The following TAMM41 variants were observed in gnomAD, a reference collection of about 807,000 sequenced individuals.
TAMM41 encodes phosphatidate cytidylyltransferase, mitochondrial.
A neutral mutation model predicts 44.1 loss-of-function variants in TAMM41; 36 were observed. The ratio of observed to expected loss-of-function variants is 0.82; its 90% CI spans 0.63 to 1.08. The LOEUF (loss-of-function observed/expected upper bound fraction) is 1.08, where lower values mean the gene tolerates loss of function less well. Among genes scored for constraint, TAMM41 ranks in the 50% least tolerant of loss-of-function variants. TAMM41 has a pLI of 0.00. For synonymous variants in TAMM41, 164 were observed against 153.1 expected (o/e 1.07, Z -0.53); for missense variants, 417 against 404.3 (o/e 1.03, Z -0.27).
chr3:11,729,539 A>ATTTTT, the TAMM41 span, among the ~76,000 whole-genome samples: 22 of 32,292 alleles, frequency 6.8e-4, no homozygotes, highest in East Asian at 3.2e-3. Context: ...TCTTTCTTTC[A>ATTTTT]TTTTTTTTTT....
chr3:11,743,793 G>A, the TAMM41 span, among the ~76,000 whole-genome samples: 1 of 152,098 alleles, frequency 6.6e-6, no homozygotes, highest in Non-Finnish European at 1.5e-5. Flanking sequence ...GTTTCCCGGA[G>A]GTACCTTAGG....
the TAMM41 span, among the ~76,000 whole-genome samples, chr3:11,748,995 C>A: frequency 3.3e-5 from 5 of 149,848 alleles, no homozygotes; most frequent in Non-Finnish European, 7.4e-5. Context: ...TCACTGCAAC[C>A]TCTGCCTCCC....
chr3:11,737,435 C>T, the TAMM41 span, among the ~76,000 whole-genome samples: 1 of 151,928 alleles, frequency 6.6e-6, no homozygotes, highest in African/African-American at 2.4e-5. Context: ...ATTCTCCTTC[C>T]TCAGCCTCCA....
the TAMM41 span, among the ~76,000 whole-genome samples, chr3:11,758,226 A>G: frequency 6.6e-6 from 1 of 152,218 alleles, no homozygotes. Flanking sequence ...CTAGGACACA[A>G]TGCTGGAGGC....
the TAMM41 span, among the ~76,000 whole-genome samples, chr3:11,782,036 C>G: frequency 1.3e-5 from 2 of 148,314 alleles, no homozygotes; most frequent in African/African-American, 2.4e-5. Context: ...CACCAGGTGT[C>G]TTTAGCTGCA....
At chr3:11,836,509 G>A (rs2079183611) in intron 3 of TAMM41, among the ~76,000 whole-genome samples, 1 of 152,116 alleles carries the variant, frequency 6.6e-6, no homozygotes. Flanking sequence ...TGTCACCCAG[G>A]CTGGAGTGCA....
At chr3:11,782,439 T>C in the TAMM41 span, among the ~76,000 whole-genome samples, 7 of 150,982 alleles carry the variant, frequency 4.6e-5, no homozygotes, top group Non-Finnish European at 7.4e-5. Flanking sequence ...CTCAGTTACT[T>C]GGGAGGCTAA....
the TAMM41 span, among the ~76,000 whole-genome samples, chr3:11,723,820 A>G: frequency 6.6e-6 from 1 of 152,244 alleles, no homozygotes; most frequent in African/African-American, 2.4e-5. Flanking sequence ...TAGACCACTG[A>G]TGAGAATATA....
intron 7 of TAMM41, chr3:11,807,449 CCACT>C (rs144166965): frequency 0.054 from 83,509 of 1,534,366 alleles, 10,260 homozygotes; most frequent in East Asian, 0.53. Flanking sequence ...CAAAAATAAC[CCACT>C]AAGACAGATG....
At chr3:11,745,675 G>A in the TAMM41 span, among the ~76,000 whole-genome samples, 1 of 152,194 alleles carries the variant, frequency 6.6e-6, no homozygotes, top group African/African-American at 2.4e-5. Context: ...GGAGCTGTGG[G>A]AAGAGGAAAT....
the TAMM41 span, among the ~76,000 whole-genome samples, chr3:11,761,683 A>G: frequency 6.6e-6 from 1 of 152,126 alleles, no homozygotes; most frequent in African/African-American, 2.4e-5. Context: ...GCGGTGGCTC[A>G]CACCTGTAAT....
At chr3:11,828,903 C>A (rs1465265002) in intron 4 of TAMM41, among the ~76,000 whole-genome samples, 1 of 152,068 alleles carries the variant, frequency 6.6e-6, no homozygotes, top group Non-Finnish European at 1.5e-5. Flanking sequence ...GACTCATACT[C>A]AAAAATCGGG....
At chr3:11,754,442 T>C in the TAMM41 span, among the ~76,000 whole-genome samples, 395 of 152,252 alleles carry the variant, frequency 2.6e-3, 1 homozygote, top group African/African-American at 9.1e-3. Flanking sequence ...GGTGCAATCA[T>C]GGCTTACTGC....
intron 4 of TAMM41, among the ~76,000 whole-genome samples, chr3:11,819,938 G>A (rs1191687558): frequency 6.6e-6 from 1 of 152,066 alleles, no homozygotes; most frequent in East Asian, 1.9e-4. Context: ...TTTTACAGAT[G>A]AGGAGATGGA....
chr3:11,843,008 G>C (rs539180613), intron 2 of TAMM41, among the ~76,000 whole-genome samples: 3 of 152,286 alleles, frequency 2.0e-5, no homozygotes, highest in African/African-American at 7.2e-5. Context: ...CCTGCTGTCA[G>C]ATGAACCACC....
intron 5 of TAMM41, 69 bp from the exon 6 acceptor site, chr3:11,809,751 G>A (rs1474626957): frequency 2.7e-6 from 4 of 1,502,720 alleles, no homozygotes; most frequent in Non-Finnish European, 3.6e-6. Context: ...CCAAAACTCA[G>A]GGCTTCTCTT....
At chr3:11,806,880 G>A (rs551072361) in intron 7 of TAMM41, among the ~76,000 whole-genome samples, 1 of 152,226 alleles carries the variant, frequency 6.6e-6, no homozygotes, top group Admixed American at 6.5e-5. Context: ...TTAAGAATCA[G>A]ATTGGCTTTA....
chr3:11,738,750 G>A, the TAMM41 span, among the ~76,000 whole-genome samples: 2 of 152,178 alleles, frequency 1.3e-5, no homozygotes, highest in African/African-American at 4.8e-5. Context: ...TTCTCACAGT[G>A]GGGTTTCCTG....
At chr3:11,745,062 C>G in the TAMM41 span, among the ~76,000 whole-genome samples, 5 of 152,126 alleles carry the variant, frequency 3.3e-5, no homozygotes, top group African/African-American at 4.8e-5. Flanking sequence ...GGGGTTGCAC[C>G]ATGTTGGTCA....
Sources: allele counts gnomAD v4.1 joint callset (sites outside exome capture counted in the v4.1 genomes callset), GRCh38; gene constraint gnomAD v4.1.1; transcripts MANE v1.5; gene names NCBI Gene and HGNC (gene_info 2026-07-23, HGNC 2026-07-21).